Variants in SMIM23 observed in about 807,000 individuals in gnomAD.
SMIM23 encodes small integral membrane protein 23.
SMIM23 carries 10 observed loss-of-function variants against 12.8 expected under a neutral mutation model. The observed-to-expected ratio is 0.78, with a 90% confidence interval of 0.48 to 1.32. The LOEUF is 1.32. SMIM23 is among the 40% of genes most tolerant of loss of function. The pLI, the probability that SMIM23 is intolerant of heterozygous loss-of-function variation, is 0.00. For missense variants in SMIM23, 184 were observed against 198.2 expected, an observed-to-expected ratio of 0.93 and a Z score of 0.43; for synonymous variants, 78 against 80.1, an observed-to-expected ratio of 0.97 and a Z score of 0.14.
In SMIM23 at chr5:171,785,826, T is replaced by C. The variant is rs1250361283; in HGVS notation, c.-46T>C. 1.0e-5 allele frequency: 15 copies of C among 1,469,572 alleles called. No individual in the cohort carries two copies. Among genetic ancestry groups the C allele is most frequent in the Non-Finnish European group, 1.3e-5 (14 of 1,086,238 alleles). 91.0% of individuals were successfully genotyped at this position (1,469,572 alleles called of 1,614,324 possible). On this transcript the variant is annotated 5_prime_UTR_variant, in exon 1 of 4. Coordinates refer to ENST00000523047, the MANE Select transcript of SMIM23 (RefSeq NM_001289970.2). Reference sequence around the variant, plus strand: ...CAGGTGGGGGAGGGGAAGGGTGCCCTTCTGTCTGTTGAGTGTGGTCCACCC... The same window carrying C: ...CAGGTGGGGGAGGGGAAGGGTGCCCCTCTGTCTGTTGAGTGTGGTCCACCC...
At chr5:171,787,206 G>T (rs1755835323) in intron 1 of SMIM23, among the ~76,000 whole-genome samples, 1 of 151,854 alleles carries the variant, frequency 6.6e-6, no homozygotes, top group Non-Finnish European at 1.5e-5. Flanking sequence ...TTTTAGTAGA[G>T]ACAGGGTTTC....
chr5:171,772,812 C>G, the SMIM23 span, among the ~76,000 whole-genome samples: 21 of 152,314 alleles, frequency 1.4e-4, no homozygotes, highest in East Asian at 4.1e-3. Flanking sequence ...TTTTAAAAAT[C>G]TGAACTGTGG....
upstream of SMIM23, among the ~76,000 whole-genome samples, chr5:171,777,828 G>T (rs1407052727): frequency 6.6e-6 from 1 of 152,086 alleles, no homozygotes; most frequent in Non-Finnish European, 1.5e-5. Context: ...AGTCTTGGGG[G>T]TGACACAGCC....
the SMIM23 span, chr5:171,774,266 T>A: frequency 2.6e-6 from 1 of 383,114 alleles, no homozygotes; most frequent in Non-Finnish European, 5.2e-6. Flanking sequence ...GCCCATCCCA[T>A]TCAGAGATCC....
At chr5:171,782,084 G>A (rs534527632), upstream of SMIM23, among the ~76,000 whole-genome samples, 5 of 152,108 alleles carry the variant, frequency 3.3e-5, no homozygotes, top group African/African-American at 7.2e-5. Flanking sequence ...TTGTTGTTTC[G>A]CTCTTCACAG....
intron 2 of SMIM23, 66 bp from the exon 3 acceptor site, chr5:171,790,416 A>G: frequency 1.3e-6 from 2 of 1,523,684 alleles, no homozygotes; most frequent in Non-Finnish European, 1.8e-6. Context: ...CACTGGGATA[A>G]CTAACCATGT....
intron 1 of SMIM23, among the ~76,000 whole-genome samples, chr5:171,788,025 C>G (rs1212027024): frequency 6.6e-6 from 1 of 151,640 alleles, no homozygotes; most frequent in African/African-American, 2.4e-5. Flanking sequence ...CTTTCATCTT[C>G]CTTGTTTAGT....
At chr5:171,786,725 C>T (rs1755823463) in intron 1 of SMIM23, among the ~76,000 whole-genome samples, 1 of 152,170 alleles carries the variant, frequency 6.6e-6, no homozygotes, top group African/African-American at 2.4e-5. Flanking sequence ...TATGCTGGAC[C>T]TTGTAGCGTA....
intron 1 of SMIM23, among the ~76,000 whole-genome samples, chr5:171,786,586 T>C (rs1400446148): frequency 2.6e-5 from 4 of 152,198 alleles, no homozygotes; most frequent in Non-Finnish European, 4.4e-5. Flanking sequence ...AGCAAGGGTT[T>C]ATTCTGAGGA....
chr5:171,789,198 C>A (rs1186431436), intron 1 of SMIM23, among the ~76,000 whole-genome samples: 1 of 152,216 alleles, frequency 6.6e-6, no homozygotes, highest in East Asian at 1.9e-4. Flanking sequence ...AAAATAGTAG[C>A]TTATCAAATC....
upstream of SMIM23, chr5:171,782,783 T>C (rs1009604527): frequency 7.2e-5 from 11 of 152,224 alleles, no homozygotes; most frequent in African/African-American, 2.7e-4. Context: ...ACATTTACTA[T>C]GTAACGGGCT....
In SMIM23 at chr5:171,791,119, A is replaced by G; in HGVS notation, c.*31A>G. 1 of 1,450,644 alleles carries G rather than the reference A, an allele frequency of 6.9e-7. No individual in the cohort carries two copies. Among genetic ancestry groups the G allele is most frequent in the Non-Finnish European group, 9.0e-7 (1 of 1,108,712 alleles). The allele number at this position is 1,450,644 out of a possible 1,614,324, so 89.9% of individuals were successfully genotyped here. ...GAAGTTCCAGTCAGGCAAGAAAATAAAGTAGTTGGGAAATGAAGTCCGCTG... is the reference window on the plus strand; with the variant it reads ...GAAGTTCCAGTCAGGCAAGAAAATAGAGTAGTTGGGAAATGAAGTCCGCTG... On this transcript the variant is annotated 3_prime_UTR_variant, in exon 4 of 4. Transcript: ENST00000523047.
upstream of SMIM23, among the ~76,000 whole-genome samples, chr5:171,782,124 C>T (rs1755739129): frequency 6.6e-6 from 1 of 152,214 alleles, no homozygotes; most frequent in Non-Finnish European, 1.5e-5. Context: ...CTCTTTCGGT[C>T]CACCACCTTC....
upstream of SMIM23, among the ~76,000 whole-genome samples, chr5:171,785,390 T>A (rs1022089382): frequency 1.3e-5 from 2 of 151,324 alleles, no homozygotes; most frequent in East Asian, 3.9e-4. Context: ...CAATTAAAAA[T>A]AGCTTTTATT....
At chr5:171,781,991 C>T (rs911241910), upstream of SMIM23, among the ~76,000 whole-genome samples, 2 of 152,158 alleles carry the variant, frequency 1.3e-5, no homozygotes, top group African/African-American at 4.8e-5. Flanking sequence ...AGGATGTGGG[C>T]GGGGACAAAT....
At chr5:171,786,094 C>G in intron 1 of SMIM23, 118 bp downstream of exon 1, 2 of 805,090 alleles carry the variant, frequency 2.5e-6, no homozygotes, top group Non-Finnish European at 4.0e-6. Flanking sequence ...GTCCCTGGAT[C>G]CCACTCTGAT....
the SMIM23 span, chr5:171,774,753 G>C: frequency 2.6e-6 from 1 of 378,922 alleles, no homozygotes; most frequent in Non-Finnish European, 5.2e-6. Flanking sequence ...ATTGTGTCAA[G>C]AATCCCTCTA....
At position 171,790,284 on chromosome 5, in the gene SMIM23, G is replaced by A. The variant is rs563527626; in HGVS notation, c.157+3G>A. The A allele has an allele frequency of 3.9e-6, 6 of 1,536,124 alleles. No homozygotes were observed. The Admixed American group carries it at 9.8e-5, about 25-fold the overall frequency. ...GTACTTGAGCACAGAGATATGGGGT[G>A]AGCATTCTGGAATCTGAGAAAGAAG... On this transcript the variant is annotated splice_donor_region_variant and intron_variant, in intron 2 of 3. Transcript: ENST00000523047.
At chr5:171,778,751 G>C (rs557035656), upstream of SMIM23, among the ~76,000 whole-genome samples, 29 of 152,256 alleles carry the variant, frequency 1.9e-4, no homozygotes, top group African/African-American at 6.5e-4. Context: ...ATTCATTATA[G>C]AAGCCATAGT....
Sources: allele counts gnomAD v4.1 joint callset (sites outside exome capture counted in the v4.1 genomes callset), GRCh38; gene constraint gnomAD v4.1.1; transcripts MANE v1.5; gene names NCBI Gene and HGNC (gene_info 2026-07-23, HGNC 2026-07-21).